PI4K2A: variants seen among roughly 807,000 people sequenced by gnomAD.
PI4K2A encodes the protein phosphatidylinositol 4-kinase type 2 alpha.
In PI4K2A, 20 loss-of-function variants were observed where a neutral mutation model predicts 55.0. That is an observed-to-expected ratio of 0.36 (90% CI 0.26 to 0.53). The LOEUF (loss-of-function observed/expected upper bound fraction) is 0.53, where lower values mean the gene tolerates loss of function less well. Among genes scored for constraint, PI4K2A ranks in the 20% least tolerant of loss-of-function variants. PI4K2A has a pLI of 0.91. For synonymous variants in PI4K2A, 235 were observed against 258.5 expected, an observed-to-expected ratio of 0.91 and a Z score of 0.87; for missense variants, 463 against 637.1, an observed-to-expected ratio of 0.73 and a Z score of 2.94.
intron 2 of PI4K2A, among the ~76,000 whole-genome samples, chr10:97,654,750 C>T (rs2041544215): frequency 6.6e-6 from 1 of 152,064 alleles, no homozygotes; most frequent in South Asian, 2.1e-4. Context: ...AATTACAAGA[C>T]AATGTGATAA....
chr10:97,655,219 A>C (rs912347480), intron 2 of PI4K2A, among the ~76,000 whole-genome samples: 3 of 151,962 alleles, frequency 2.0e-5, no homozygotes, highest in African/African-American at 2.4e-5. Flanking sequence ...AAAATACAAA[A>C]ATTAGCCAGG....
chr10:97,660,456 C>T (rs1378738240), intron 4 of PI4K2A, among the ~76,000 whole-genome samples: 12 of 151,058 alleles, frequency 7.9e-5, no homozygotes, highest in African/African-American at 1.5e-4. Context: ...CCACCACACC[C>T]GGCTAATTTT....
chr10:97,641,909 A>T (rs1418864953), intron 1 of PI4K2A, among the ~76,000 whole-genome samples: 1 of 151,954 alleles, frequency 6.6e-6, no homozygotes, highest in South Asian at 2.1e-4. Flanking sequence ...GCCGACCTTT[A>T]TTTTGTCCCC....
Position 97,666,537 on chromosome 10 carries a change from A to G in PI4K2A, c.1184A>G (p.Lys395Arg), listed in dbSNP as rs541984098. ...AAGATATCGGACCCTAACTTCGTCA[A>G]GGACTTGGAAGAGGACCTATATGAA... is the stretch of plus-strand genomic sequence containing the variant. Residue 395 changes from lysine (K) to arginine (R), a missense_variant, in exon 7 of 9, where the codon AAG becomes AGG. Lys to Arg is a conservative substitution (Grantham distance 26, BLOSUM62 2). Around this residue, in one of 2 missense-constraint regions of PI4K2A, gnomAD observed 277 missense variants for 432.6 expected, o/e 0.64. Coordinates refer to ENST00000370631, the Ensembl canonical transcript of PI4K2A. The G allele has an allele frequency of 3.0e-5, 48 of 1,613,936 alleles. No homozygotes were observed. In the South Asian group the frequency reaches 4.8e-4, roughly 16 times the overall value.
At chr10:97,671,456 A>G (rs1036807987) in intron 8 of PI4K2A, among the ~76,000 whole-genome samples, 1 of 151,518 alleles carries the variant, frequency 6.6e-6, no homozygotes, top group African/African-American at 2.4e-5. Context: ...TGTCTCAGAA[A>G]AGAAAAAAAA....
Position 97,642,853 on chromosome 10 carries a change from T to TC in PI4K2A, c.435+1676_435+1677insC, listed in dbSNP as rs1564772281. On this transcript the variant is annotated intron_variant, in intron 1 of 8. Transcript: ENST00000370631. ...TTCCTTCCTTCCTTCCTTCCTTCCT[T>TC]TCTTTCTTTCTTTTTCTTTCTTTCT... 1.8e-3 allele frequency among the ~76,000 whole-genome samples: 17 copies of TC among 9,430 alleles called. 2 individuals are homozygous for TC. The highest frequency in any genetic ancestry group is 3.6e-3 in the African/African-American group (14 of 3,886). 6.2% of individuals were successfully genotyped at this position (9,430 alleles called of 152,430 possible).
chr10:97,664,109 T>C (rs1036658859), intron 5 of PI4K2A, among the ~76,000 whole-genome samples: 1 of 152,234 alleles, frequency 6.6e-6, no homozygotes, highest in Non-Finnish European at 1.5e-5. Context: ...TGAAGAGTTA[T>C]TTAAAATAGT....
chr10:97,657,017 T>C (rs2041558331), intron 4 of PI4K2A, 43 bp downstream of exon 4: 4 of 1,606,920 alleles, frequency 2.5e-6, no homozygotes, highest in African/African-American at 1.3e-5. Flanking sequence ...CCAGACTGTG[T>C]TGAGGCATGG....
At chr10:97,657,250 A>C (rs1029779804) in intron 4 of PI4K2A, among the ~76,000 whole-genome samples, 1 of 152,198 alleles carries the variant, frequency 6.6e-6, no homozygotes, top group African/African-American at 2.4e-5. Flanking sequence ...GTAACAGGAC[A>C]GTTTTGTCTT....
At chr10:97,667,500 GCGCCCGGCCGTGTTTTAC>G (rs1198866834) in intron 8 of PI4K2A, among the ~76,000 whole-genome samples, 1 of 152,142 alleles carries the variant, frequency 6.6e-6, no homozygotes, top group African/African-American at 2.4e-5. Context: ...GTGAGGCCCT[GCGCCCGGCCGTGTTTTAC>G]AGCTTTTTTA....
chr10:97,645,725 A>G (rs925663142), intron 1 of PI4K2A, among the ~76,000 whole-genome samples: 2 of 150,750 alleles, frequency 1.3e-5, no homozygotes, highest in Non-Finnish European at 2.9e-5. Flanking sequence ...ATTTTATTAT[A>G]TATATATTTT....
In PI4K2A at chr10:97,650,905, C is replaced by T. The variant is rs139961604; in HGVS notation, c.436-36C>T. On this transcript the variant is annotated intron_variant, in intron 1 of 8. Transcript: ENST00000370631. ...GGTCTGTGGGCTATTTTGGTCAACT[C>T]GGATTTAACATCCTCTTTTTCTTTG... 1.1e-5 allele frequency: 17 copies of T among 1,539,780 alleles called. No homozygotes were observed. In the East Asian group the frequency reaches 2.3e-4, roughly 20 times the overall value.
Position 97,656,307 on chromosome 10 carries a change from C to G in PI4K2A, c.659C>G (p.Thr220Ser). Residue 220 changes from threonine (T) to serine (S), a missense_variant, in exon 3 of 9, where the codon ACC becomes AGC. By Grantham distance (58) the Thr-to-Ser change is moderately conservative. Around this residue, in one of 2 missense-constraint regions of PI4K2A, gnomAD observed 277 missense variants for 432.6 expected, o/e 0.64. Coordinates refer to ENST00000370631, the Ensembl canonical transcript of PI4K2A. The surrounding 1 kb of genome is among the most constrained non-coding windows in gnomAD (Gnocchi z 4.5). ...TAGGTAGTATACCTGGCCAGTGAGA[C>G]CTTCAACTATAGTGCCATTGACCGA... The G allele has an allele frequency of 6.2e-7, 1 of 1,613,760 alleles. No homozygotes were observed. The highest frequency in any genetic ancestry group is 8.5e-7 in the Non-Finnish European group (1 of 1,179,652).
intron 1 of PI4K2A, among the ~76,000 whole-genome samples, chr10:97,647,002 G>C (rs1231602996): frequency 6.6e-6 from 1 of 150,520 alleles, no homozygotes; most frequent in African/African-American, 2.4e-5. Flanking sequence ...GGCTGGTCTT[G>C]AACTCCTGAC....
At chr10:97,667,746 A>T (rs900207721) in intron 8 of PI4K2A, among the ~76,000 whole-genome samples, 2 of 152,156 alleles carry the variant, frequency 1.3e-5, no homozygotes, top group South Asian at 2.1e-4. Flanking sequence ...GGTGGTTAAG[A>T]TCTGGGCCCT....
chr10:97,673,727 C>G (rs2041647643), exon 9 of PI4K2A: 2 of 1,613,938 alleles, frequency 1.2e-6, no homozygotes, highest in Non-Finnish European at 1.7e-6. Flanking sequence ...GGAAGCCCTT[C>G]TTTTCATGGT....
chr10:97,643,692 A>C (rs1314767189), intron 1 of PI4K2A, among the ~76,000 whole-genome samples: 1 of 152,244 alleles, frequency 6.6e-6, no homozygotes, highest in Admixed American at 6.5e-5. Context: ...AATGTGATTT[A>C]GAACAAAGGG....
chr10:97,666,627 T>C lies in PI4K2A; in HGVS notation c.1218+56T>C, dbSNP rs2041610766. On this transcript the variant is annotated intron_variant, in intron 7 of 8. Transcript: ENST00000370631. ...ATATGGGAGAAGGAATTTTTAATGG[T>C]TTTTTTAATTGGTCCTGACAAAAGC... 37 of 1,463,674 alleles carry C rather than the reference T, an allele frequency of 2.5e-5. No homozygotes were observed. In the South Asian group the frequency reaches 3.4e-4, roughly 13 times the overall value. 90.7% of individuals were successfully genotyped at this position (1,463,674 alleles called of 1,614,324 possible).
At chr10:97,666,727 G>A (rs963535958) in intron 7 of PI4K2A, among the ~76,000 whole-genome samples, 156 bp downstream of exon 7, 10 of 152,296 alleles carry the variant, frequency 6.6e-5, no homozygotes, top group African/African-American at 2.4e-4. Context: ...TGGACAGCAG[G>A]ACCTGGTTTG....
Sources: gnomAD v4.1 joint callset for allele counts (sites outside exome capture counted in the v4.1 genomes callset) on GRCh38, gnomAD v4.1.1 for gene constraint, gnomAD v4.1.1 regional missense constraint, Gnocchi (gnomAD v3.1) non-coding constraint, MANE v1.5 for transcripts, NCBI Gene and HGNC (gene_info 2026-07-23, HGNC 2026-07-21) for gene names.